Variants in MFAP3L observed in about 807,000 individuals in gnomAD.
MFAP3L encodes microfibrillar-associated protein 3-like.
Under a neutral mutation model 20.0 loss-of-function variants are expected in MFAP3L, and 5 were observed. That is an observed-to-expected ratio of 0.25 (90% CI 0.13 to 0.53). MFAP3L has a LOEUF of 0.53. MFAP3L is among the 20% of genes least tolerant of loss of function. The pLI is 0.96. For synonymous variants in MFAP3L, 219 were observed against 213.0 expected (o/e 1.03, Z -0.25); for missense variants, 409 against 527.5 (o/e 0.78, Z 2.20).
At chr4:169,997,818 T>TTTTTTTA in intron 2 of MFAP3L, 1 of 962,532 alleles carries the variant, frequency 1.0e-6, no homozygotes, top group Non-Finnish European at 1.2e-6. Flanking sequence ...TTTTTTTTTT[T>TTTTTTTA]AATATTGCTG....
chr4:170,006,114 A>AAT, intron 1 of MFAP3L, 104 bp from the exon 2 acceptor site: 1 of 821,684 alleles, frequency 1.2e-6, no homozygotes, highest in East Asian at 3.9e-5. Flanking sequence ...ACATCAACAT[A>AAT]CTTTTTTTTT....
intron 2 of MFAP3L, chr4:169,997,886 C>G (rs1738307947): frequency 1.2e-6 from 1 of 840,760 alleles, no homozygotes; most frequent in Non-Finnish European, 1.4e-6. Flanking sequence ...GCTGGTAACA[C>G]TGTTGGAAGG....
At chr4:170,025,935 C>A (rs1730354938) in intron 1 of MFAP3L, among the ~76,000 whole-genome samples, 1 of 152,200 alleles carries the variant, frequency 6.6e-6, no homozygotes, top group Admixed American at 6.5e-5. Context: ...GGAGGCTCGC[C>A]GGCAGCTGGC....
chr4:170,003,181 G>A (rs1325005598), intron 2 of MFAP3L, among the ~76,000 whole-genome samples: 1 of 152,132 alleles, frequency 6.6e-6, no homozygotes, highest in Non-Finnish European at 1.5e-5. Flanking sequence ...CTAGTATCAC[G>A]AGTTCTTTTT....
At chr4:170,003,953 G>T (rs532232268) in intron 2 of MFAP3L, 3 of 590,646 alleles carry the variant, frequency 5.1e-6, no homozygotes, top group Non-Finnish European at 6.4e-6. Context: ...GAAGGTTCTT[G>T]TTATAGCCAC....
intron 1 of MFAP3L, among the ~76,000 whole-genome samples, chr4:170,011,163 G>A (rs956021150): frequency 1.3e-5 from 2 of 152,178 alleles, no homozygotes; most frequent in Non-Finnish European, 2.9e-5. Context: ...CCCCAGCCAT[G>A]TGGAACTGTG....
intron 2 of MFAP3L, among the ~76,000 whole-genome samples, chr4:170,000,509 T>C (rs1241798908): frequency 6.6e-6 from 1 of 152,184 alleles, no homozygotes; most frequent in African/African-American, 2.4e-5. Context: ...TCCAGGTACC[T>C]CTGCTAAGCA....
At chr4:170,019,124 C>T (rs761985115) in intron 1 of MFAP3L, among the ~76,000 whole-genome samples, 10 of 152,202 alleles carry the variant, frequency 6.6e-5, no homozygotes, top group Admixed American at 4.6e-4. Flanking sequence ...TAAGCACAGT[C>T]GCTGTTTATC....
At chr4:170,002,856 C>A (rs1581482315) in intron 2 of MFAP3L, among the ~76,000 whole-genome samples, 3 of 147,470 alleles carry the variant, frequency 2.0e-5, no homozygotes, top group Admixed American at 6.7e-5. Context: ...AAAAAAAAAA[C>A]AAAAAACAAA....
intron 2 of MFAP3L, chr4:169,994,280 T>A: frequency 2.0e-6 from 2 of 985,374 alleles, no homozygotes; most frequent in African/African-American, 3.5e-5. Context: ...ATGGTTAGGA[T>A]CAGTTTGTTT....
At chr4:169,998,572 T>G (rs1294015964) in intron 2 of MFAP3L, among the ~76,000 whole-genome samples, 1 of 152,162 alleles carries the variant, frequency 6.6e-6, no homozygotes, top group Non-Finnish European at 1.5e-5. Flanking sequence ...AAAATTAACA[T>G]TTTCAACTTG....
chr4:170,017,738 T>C (rs543258843), intron 1 of MFAP3L, among the ~76,000 whole-genome samples: 22 of 152,342 alleles, frequency 1.4e-4, no homozygotes, highest in Non-Finnish European at 4.4e-5. Flanking sequence ...TCCACCTAAG[T>C]GTTTTTCAGT....
rs139925238 is a variant in MFAP3L at position 170,016,686 on chromosome 4, C to T, written c.-134+9548G>A. 3.3e-5 allele frequency among the ~76,000 whole-genome samples: 5 copies of T among 152,336 alleles called. No individual in the cohort carries two copies. In the East Asian group the frequency reaches 5.8e-4, roughly 18 times the overall value. ...CTCAAAGCAAACACTTGAATATCTG[C>T]GGAGTGAATTTATTCTACTTATATG... On this transcript the variant is annotated intron_variant, in intron 1 of 2. Coordinates refer to ENST00000361618, the MANE Select transcript of MFAP3L (RefSeq NM_021647.8).
chr4:169,994,557 T>TA (rs1335487116), intron 2 of MFAP3L: 18 of 974,082 alleles, frequency 1.8e-5, no homozygotes, highest in Non-Finnish European at 2.1e-5. Context: ...ACGTGAACTT[T>TA]GAGTTTTCAG....
rs115499524 is a variant in MFAP3L, at chr4:170,021,411, A to G, written c.-134+4823T>C. On this transcript the variant is annotated intron_variant, in intron 1 of 2. Transcript: ENST00000361618. ...CTGACCTAGTACTTTACAATAGAAA[A>G]CAATTTTTTTTGCATCATTCTATGA... 5.2e-3 allele frequency among the ~76,000 whole-genome samples: 799 copies of G among 152,326 alleles called. 11 individuals carry two copies. The highest frequency in any genetic ancestry group is 0.018 in the African/African-American group (756 of 41,560).
At chr4:170,018,024 T>C (rs1469313324) in intron 1 of MFAP3L, among the ~76,000 whole-genome samples, 2 of 152,182 alleles carry the variant, frequency 1.3e-5, no homozygotes, top group Non-Finnish European at 2.9e-5. Context: ...ACTATGGGGA[T>C]TAAAAACAGT....
chr4:170,022,272 A>T (rs1394016625), intron 1 of MFAP3L, among the ~76,000 whole-genome samples: 1 of 152,028 alleles, frequency 6.6e-6, no homozygotes, highest in Non-Finnish European at 1.5e-5. Flanking sequence ...GCCACTGACC[A>T]CCTCTTGTTG....
intron 1 of MFAP3L, among the ~76,000 whole-genome samples, chr4:170,023,541 C>A (rs1740166084): frequency 6.6e-6 from 1 of 152,118 alleles, no homozygotes; most frequent in African/African-American, 2.4e-5. Context: ...TAAAATTAAC[C>A]ACTGGCATTT....
Position 169,991,343 on chromosome 4 carries a change from A to G in MFAP3L, c.*35T>C. 2 of 1,586,410 alleles carry G rather than the reference A, an allele frequency of 1.3e-6. No individual in the cohort carries two copies. The highest frequency in any genetic ancestry group is 1.2e-5 in the South Asian group (1 of 86,834). On this transcript the variant is annotated 3_prime_UTR_variant, in exon 3 of 3. Coordinates refer to ENST00000361618, the MANE Select transcript of MFAP3L (RefSeq NM_021647.8). The surrounding 1 kb of genome is among the most constrained non-coding windows in gnomAD (Gnocchi z 4.9). ...TCTGTATTACAAGGAGCAGCCCCTG[A>G]TTTTCTTGATATGCATAGCTTTTCG...
Sources: allele counts gnomAD v4.1 joint callset (sites outside exome capture counted in the v4.1 genomes callset), GRCh38; gene constraint gnomAD v4.1.1; non-coding constraint Gnocchi (gnomAD v3.1); transcripts MANE v1.5; gene names NCBI Gene and HGNC (gene_info 2026-07-23, HGNC 2026-07-21).